Variants in ERICH1 observed in about 807,000 individuals in gnomAD.
ERICH1 encodes the protein glutamate rich 1.
ERICH1 carries 56 observed loss-of-function variants against 39.6 expected under a neutral mutation model. The observed-to-expected ratio is 1.41, with a 90% confidence interval of 1.14 to 1.77. The LOEUF is 1.77. Among genes scored for constraint, ERICH1 ranks in the 40% most tolerant of loss-of-function variants. ERICH1 has a pLI of 0.00. For synonymous variants in ERICH1, 313 were observed against 223.6 expected (o/e 1.40, Z -3.57); for missense variants, 826 against 575.4 (o/e 1.44, Z -4.45).
At chr8:658,713 GT>G (rs1800998266) in intron 3 of ERICH1, among the ~76,000 whole-genome samples, 1 of 152,106 alleles carries the variant, frequency 6.6e-6, no homozygotes, top group Non-Finnish European at 1.5e-5. Flanking sequence ...GATGCCCCTG[GT>G]ACAAACAAAG....
intron 2 of ERICH1, among the ~76,000 whole-genome samples, chr8:700,008 GACCCGCACAC>G (rs1811509440): frequency 1.6e-5 from 2 of 125,234 alleles, no homozygotes; most frequent in African/African-American, 6.7e-5. Flanking sequence ...CAGGCGCACA[GACCCGCACAC>G]GCGCACAGAC....
chr8:636,173 C>T (rs188402838), intron 3 of ERICH1, among the ~76,000 whole-genome samples: 20 of 152,328 alleles, frequency 1.3e-4, no homozygotes, highest in African/African-American at 4.6e-4. Flanking sequence ...GCCCCGGCCA[C>T]CTCCACTGCC....
intron 3 of ERICH1, chr8:627,085 G>C (rs767862682): frequency 8.8e-6 from 4 of 455,762 alleles, no homozygotes; most frequent in Non-Finnish European, 1.8e-5. Flanking sequence ...AGCAGGACGG[G>C]GATGGACGTA....
downstream of ERICH1, chr8:664,168 A>G (rs1188775614): frequency 9.2e-6 from 8 of 866,892 alleles, no homozygotes; most frequent in Admixed American, 6.2e-5. Context: ...CACAAAGTAG[A>G]GAAGAGAAAA....
At chr8:698,755 G>C (rs1216171946) in intron 2 of ERICH1, among the ~76,000 whole-genome samples, 9 of 152,142 alleles carry the variant, frequency 5.9e-5, no homozygotes, top group Non-Finnish European at 1.3e-4. Flanking sequence ...TAGGATTACA[G>C]GCGTGAGTCA....
intron 1 of ERICH1, among the ~76,000 whole-genome samples, chr8:724,725 C>T (rs1050338981): frequency 6.6e-6 from 1 of 152,198 alleles, no homozygotes; most frequent in Non-Finnish European, 1.5e-5. Context: ...TTGGCTTTTT[C>T]CTTAGATAGG....
At chr8:722,881 A>G (rs1370416370) in intron 1 of ERICH1, among the ~76,000 whole-genome samples, 2 of 152,246 alleles carry the variant, frequency 1.3e-5, no homozygotes, top group Admixed American at 6.5e-5. Flanking sequence ...ACAGGAATTC[A>G]TTAAAATAAG....
chr8:704,785 G>A (rs1470219831), intron 2 of ERICH1, among the ~76,000 whole-genome samples: 1 of 152,090 alleles, frequency 6.6e-6, no homozygotes, highest in African/African-American at 2.4e-5. Flanking sequence ...GAAGAAAACA[G>A]GAAGCAACAG....
intron 3 of ERICH1, among the ~76,000 whole-genome samples, chr8:677,711 C>A (rs926367418): frequency 1.3e-5 from 2 of 152,210 alleles, no homozygotes; most frequent in Admixed American, 1.3e-4. Flanking sequence ...TAAGCCTCTC[C>A]TCTTAGGTGT....
chr8:692,655 A>C, intron 2 of ERICH1, 43 bp from the exon 3 acceptor site: 2 of 1,529,396 alleles, frequency 1.3e-6, no homozygotes, highest in Non-Finnish European at 1.8e-6. Context: ...TAAATATCAC[A>C]AAATGCAGTC....
intron 3 of ERICH1, among the ~76,000 whole-genome samples, chr8:677,810 G>A (rs1378152240): frequency 2.6e-5 from 4 of 152,118 alleles, no homozygotes; most frequent in Non-Finnish European, 4.4e-5. Flanking sequence ...TCTAGGATGC[G>A]ACAGGTCACG....
At chr8:703,392 T>G (rs1284862943) in intron 2 of ERICH1, among the ~76,000 whole-genome samples, 1 of 152,088 alleles carries the variant, frequency 6.6e-6, no homozygotes, top group African/African-American at 2.4e-5. Context: ...TGCTGAATCC[T>G]AGAATGGCAG....
intron 2 of ERICH1, among the ~76,000 whole-genome samples, chr8:695,276 C>T (rs1301600847): frequency 6.6e-6 from 1 of 152,056 alleles, no homozygotes; most frequent in Non-Finnish European, 1.5e-5. Flanking sequence ...TCCTGGCTCT[C>T]CCACCATCTT....
At chr8:693,750 G>A (rs114024934) in intron 2 of ERICH1, among the ~76,000 whole-genome samples, 1 of 143,422 alleles carries the variant, frequency 7.0e-6, no homozygotes, top group East Asian at 2.1e-4. Context: ...GCCCCTCTGC[G>A]CACGGGACCT....
intron 3 of ERICH1, among the ~76,000 whole-genome samples, chr8:651,535 AAAG>A (rs1460798372): frequency 2.0e-5 from 3 of 152,152 alleles, no homozygotes; most frequent in Admixed American, 6.5e-5. Flanking sequence ...CCCACTGCCC[AAAG>A]AAGAACCTGG....
At chr8:662,804 T>C (rs888312152), downstream of ERICH1, among the ~76,000 whole-genome samples, 5 of 152,040 alleles carry the variant, frequency 3.3e-5, no homozygotes, top group African/African-American at 1.2e-4. Flanking sequence ...GTTCTTACTG[T>C]GGGAAGAGCG....
intron 2 of ERICH1, among the ~76,000 whole-genome samples, chr8:700,098 GACCCGCACACGCGCAC>G (rs1811553780): frequency 2.4e-5 from 3 of 124,076 alleles, no homozygotes; most frequent in Non-Finnish European, 5.0e-5. Flanking sequence ...CACGCGCACA[GACCCGCACACGCGCAC>G]ACACCCTCAC....
chr8:690,882 C>T (rs1808750707), intron 3 of ERICH1: 1 of 152,298 alleles, frequency 6.6e-6, no homozygotes, highest in African/African-American at 2.4e-5. Flanking sequence ...GTTATTTTTC[C>T]AGCTCCAGTT....
chr8:671,976 G>C (rs1703932), intron 4 of ERICH1: 2,219 of 157,824 alleles, frequency 0.014, 57 homozygotes, highest in African/African-American at 0.048. Context: ...GCCTCTCTGG[G>C]CTCCACCAGG....
Sources: allele counts gnomAD v4.1 joint callset (sites outside exome capture counted in the v4.1 genomes callset), GRCh38; gene constraint gnomAD v4.1.1; transcripts MANE v1.5; gene names NCBI Gene and HGNC (gene_info 2026-07-23, HGNC 2026-07-21).